Variants in FAF1 observed in about 807,000 individuals in gnomAD.
FAF1 encodes the protein FAS-associated factor 1.
A neutral mutation model predicts 92.5 loss-of-function variants in FAF1; 25 were observed. The ratio of observed to expected loss-of-function variants is 0.27; its 90% CI spans 0.20 to 0.38. The LOEUF (loss-of-function observed/expected upper bound fraction) is 0.38. Among genes scored for constraint, FAF1 ranks in the 10% least tolerant of loss-of-function variants. FAF1 has a pLI of 1.00. For missense variants in FAF1, 636 were observed against 793.3 expected (o/e 0.80, Z 2.38); for synonymous variants, 234 against 273.2 (o/e 0.86, Z 1.42).
At chr1:50,748,691 T>G (rs1363228285) in intron 4 of FAF1, among the ~76,000 whole-genome samples, 1 of 152,226 alleles carries the variant, frequency 6.6e-6, no homozygotes, top group Non-Finnish European at 1.5e-5. Context: ...TGAATCAGAA[T>G]GTACTTATCT....
In FAF1 at chr1:50,566,808, A is replaced by G. The variant is rs553484639; in HGVS notation, c.1268+269T>C. On this transcript the variant is annotated intron_variant, in intron 13 of 18. Transcript: ENST00000396153. Reference sequence around the variant, plus strand: ...TTCTCTAAAAGTTCAAAAACATATTAGAAATGTCTGTTGCACTGCAAATAT... The same window carrying G: ...TTCTCTAAAAGTTCAAAAACATATTGGAAATGTCTGTTGCACTGCAAATAT... Among the ~76,000 whole-genome samples the G allele has an allele frequency of 7.2e-5, 11 of 152,212 alleles. No individual in the cohort carries two copies. The South Asian group carries it at 8.3e-4, about 11-fold the overall frequency.
At chr1:50,529,538 T>G (rs1648024085) in intron 15 of FAF1, among the ~76,000 whole-genome samples, 1 of 152,222 alleles carries the variant, frequency 6.6e-6, no homozygotes, top group South Asian at 2.1e-4. Context: ...ATCTAACTGC[T>G]TGGGAATCTT....
chr1:50,850,760 T>G (rs893927459), intron 2 of FAF1, among the ~76,000 whole-genome samples: 1 of 152,116 alleles, frequency 6.6e-6, no homozygotes, highest in African/African-American at 2.4e-5. Flanking sequence ...AACTAGAAAT[T>G]TTAAGAAATT....
intron 17 of FAF1, among the ~76,000 whole-genome samples, chr1:50,477,108 G>A (rs1310273274): frequency 2.0e-5 from 3 of 152,218 alleles, no homozygotes; most frequent in Non-Finnish European, 4.4e-5. Flanking sequence ...GGTAATGTGT[G>A]TCACGCAGGT....
At chr1:50,931,888 AAATAAT>A (rs201964842) in intron 1 of FAF1, among the ~76,000 whole-genome samples, 1,866 of 129,348 alleles carry the variant, frequency 0.014, 14 homozygotes, top group African/African-American at 0.019. Context: ...ATAAATAAAT[AAATAAT>A]AATAATAATA....
chr1:50,931,072 T>C (rs1191374717), intron 1 of FAF1, among the ~76,000 whole-genome samples: 1 of 152,188 alleles, frequency 6.6e-6, no homozygotes, highest in Non-Finnish European at 1.5e-5. Context: ...CAGATGCTTC[T>C]CTTATACGAA....
At chr1:50,566,931 T>C in intron 13 of FAF1, 146 bp downstream of exon 13, 1 of 510,082 alleles carries the variant, frequency 2.0e-6, no homozygotes, top group Admixed American at 3.5e-5. Flanking sequence ...ACTGCATGTG[T>C]TAGCTGCAAC....
At chr1:50,837,147 TG>T (rs1644214904) in intron 2 of FAF1, among the ~76,000 whole-genome samples, 2 of 151,976 alleles carry the variant, frequency 1.3e-5, no homozygotes, top group South Asian at 2.1e-4. Flanking sequence ...TTAGTAAAGA[TG>T]GGTTTCACTG....
chr1:50,498,108 C>T (rs1167021278), intron 15 of FAF1, among the ~76,000 whole-genome samples: 1 of 152,070 alleles, frequency 6.6e-6, no homozygotes, highest in Non-Finnish European at 1.5e-5. Flanking sequence ...GAAATCCTCA[C>T]ATATATGTTG....
intron 4 of FAF1, among the ~76,000 whole-genome samples, chr1:50,757,665 T>C (rs1157427788): frequency 6.6e-6 from 1 of 152,194 alleles, no homozygotes; most frequent in African/African-American, 2.4e-5. Flanking sequence ...TTCCTGTATA[T>C]ATCATACAAA....
At chr1:50,577,524 GGAAAA>G (rs1309170797) in intron 12 of FAF1, among the ~76,000 whole-genome samples, 1 of 151,994 alleles carries the variant, frequency 6.6e-6, no homozygotes, top group Non-Finnish European at 1.5e-5. Flanking sequence ...GACTCCATCT[GGAAAA>G]GAAAAGAAAA....
intron 2 of FAF1, among the ~76,000 whole-genome samples, chr1:50,852,252 T>G (rs1644356902): frequency 6.6e-6 from 1 of 152,204 alleles, no homozygotes; most frequent in African/African-American, 2.4e-5. Flanking sequence ...CCTCAAACCT[T>G]ATGTTTGCCA....
intron 4 of FAF1, among the ~76,000 whole-genome samples, chr1:50,767,747 T>C (rs964004615): frequency 9.2e-5 from 14 of 152,098 alleles, no homozygotes; most frequent in African/African-American, 3.1e-4. Flanking sequence ...GATGAGCAAA[T>C]GCTAGGAATT....
intron 2 of FAF1, among the ~76,000 whole-genome samples, chr1:50,828,255 TTTTCTTTTTTTTTTTTTTTC>T (rs1644120772): frequency 6.7e-6 from 1 of 149,732 alleles, no homozygotes. Context: ...AAAAAGGGTC[TTTTCTTTTTTTTTTTTTTTC>T]TTTCTTTTTT....
chr1:50,847,837 C>T, intron 2 of FAF1, among the ~76,000 whole-genome samples: 1 of 151,966 alleles, frequency 6.6e-6, no homozygotes, highest in Admixed American at 6.6e-5. Context: ...AGAGCACCAA[C>T]AGCACCCAAG....
intron 2 of FAF1, 25 bp downstream of exon 2, chr1:50,857,904 A>C (rs763589414): frequency 1.4e-6 from 2 of 1,456,674 alleles, no homozygotes; most frequent in Admixed American, 3.9e-5. Context: ...TTGATTACTC[A>C]TCAGAGAAAG....
intron 1 of FAF1, among the ~76,000 whole-genome samples, chr1:50,873,413 C>T (rs941308150): frequency 6.6e-6 from 1 of 152,078 alleles, no homozygotes; most frequent in African/African-American, 2.4e-5. Flanking sequence ...TGAATCTTCA[C>T]GAAAATTTTA....
intron 1 of FAF1, among the ~76,000 whole-genome samples, chr1:50,917,873 C>T (rs1337638224): frequency 6.6e-6 from 1 of 152,104 alleles, no homozygotes; most frequent in Non-Finnish European, 1.5e-5. Flanking sequence ...ACCTCAGAGG[C>T]ATTAAGCTGA....
At chr1:50,752,913 A>C (rs1659926227) in intron 4 of FAF1, among the ~76,000 whole-genome samples, 1 of 152,028 alleles carries the variant, frequency 6.6e-6, no homozygotes, top group Admixed American at 6.6e-5. Context: ...CGAACTCCTG[A>C]CCTGAAGTGT....
Sources: gnomAD v4.1 joint callset for allele counts (sites outside exome capture counted in the v4.1 genomes callset) on GRCh38, gnomAD v4.1.1 for gene constraint, MANE v1.5 for transcripts, NCBI Gene and HGNC (gene_info 2026-07-23, HGNC 2026-07-21) for gene names.